Variants in NFASC observed in about 807,000 individuals in gnomAD.
NFASC encodes the protein neurofascin.
A neutral mutation model predicts 147.5 loss-of-function variants in NFASC; 43 were observed. The ratio of observed to expected loss-of-function variants is 0.29; its 90% CI spans 0.23 to 0.38. The LOEUF (loss-of-function observed/expected upper bound fraction) is 0.38, where lower values mean the gene tolerates loss of function less well. NFASC is among the 10% of genes least tolerant of loss of function. The probability of loss-of-function intolerance (pLI) is 1.00; values close to 1 mark genes in which losing one functional copy is unlikely to be tolerated. For synonymous variants in NFASC, 622 were observed against 665.5 expected (o/e 0.93, Z 1.01); for missense variants, 1,320 against 1,689.0 (o/e 0.78, Z 3.83).
At chr1:204,972,837 T>C (rs568084037) in intron 11 of NFASC, among the ~76,000 whole-genome samples, 2 of 152,298 alleles carry the variant, frequency 1.3e-5, no homozygotes, top group East Asian at 3.9e-4. Context: ...TGTTCATCAT[T>C]TTGTACATGC....
intron 1 of NFASC, among the ~76,000 whole-genome samples, chr1:204,866,247 C>T (rs2077097792): frequency 6.6e-6 from 1 of 152,146 alleles, no homozygotes; most frequent in Non-Finnish European, 1.5e-5. Flanking sequence ...AAACCTCAGC[C>T]CACCTGAGAG....
At chr1:204,969,136 C>T (rs1223886729) in intron 10 of NFASC, among the ~76,000 whole-genome samples, 154 bp downstream of exon 10, 3 of 152,100 alleles carry the variant, frequency 2.0e-5, no homozygotes, top group East Asian at 1.9e-4. Context: ...TGGTGTCACT[C>T]GCTGGACGTG....
At chr1:204,981,232 T>C (rs2095504029) in intron 20 of NFASC, among the ~76,000 whole-genome samples, 1 of 152,264 alleles carries the variant, frequency 6.6e-6, no homozygotes, top group Non-Finnish European at 1.5e-5. Flanking sequence ...TCTGTGGCTC[T>C]GTATAGCAGG....
chr1:204,934,137 CAAAAAAA>C (rs10633193), intron 2 of NFASC, among the ~76,000 whole-genome samples: 1 of 113,542 alleles, frequency 8.8e-6, no homozygotes, highest in South Asian at 3.0e-4. Flanking sequence ...GACTCCATTT[CAAAAAAA>C]AAAAAAAAAA....
At chr1:204,996,785 G>A (rs988926507) in intron 24 of NFASC, among the ~76,000 whole-genome samples, 4 of 152,066 alleles carry the variant, frequency 2.6e-5, no homozygotes, top group Non-Finnish European at 5.9e-5. Context: ...GACCCAACTG[G>A]TGCTGCTTGG....
chr1:204,916,005 C>T (rs1186200081), intron 1 of NFASC, among the ~76,000 whole-genome samples: 2 of 152,208 alleles, frequency 1.3e-5, no homozygotes, highest in African/African-American at 2.4e-5. Flanking sequence ...CGACATGCTG[C>T]GTCCTGCCTT....
intron 1 of NFASC, among the ~76,000 whole-genome samples, chr1:204,891,818 G>A (rs181632284): frequency 7.2e-5 from 11 of 152,326 alleles, no homozygotes; most frequent in Admixed American, 5.2e-4. Flanking sequence ...TCCAGAGGAA[G>A]GACACAGAGA....
At position 205,002,748 on chromosome 1, in the gene NFASC, G is replaced by T; in HGVS notation, c.3289G>T (p.Ala1097Ser). ...CGTCATCACCTTTATGACCAGTACA[G>T]GTGAGAGGGGACCTGGCCTGGCCAT... is the stretch of plus-strand genomic sequence containing the variant. The part of the protein sequence containing the change: ...STVITFMTST[A>S]YTNNQADIAT... The change falls in exon 27 of 30, where the codon GCT (alanine) becomes TCT (serine). Residue 1097 changes from alanine to serine, a missense_variant and splice_region_variant. Physicochemically the swap from Ala to Ser is moderately conservative, Grantham distance 99. This residue lies in a region of NFASC where 167 missense variants were observed against 233.8 expected (regional missense o/e 0.71). Coordinates refer to ENST00000339876, the MANE Select transcript of NFASC (RefSeq NM_001005388.3). 6.8e-7 allele frequency: 1 copy of T among 1,475,706 alleles called. No individual in the cohort carries two copies. Among genetic ancestry groups the T allele is most frequent in the African/African-American group, 1.4e-5 (1 of 71,278 alleles). The allele number at this position is 1,475,706 out of a possible 1,614,324, so 91.4% of individuals were successfully genotyped here.
At chr1:204,886,393 A>G (rs2081320612) in intron 1 of NFASC, among the ~76,000 whole-genome samples, 1 of 152,170 alleles carries the variant, frequency 6.6e-6, no homozygotes, top group Non-Finnish European at 1.5e-5. Flanking sequence ...TCATTTGCTA[A>G]TGTGTTTTTA....
intron 27 of NFASC, among the ~76,000 whole-genome samples, chr1:205,007,010 G>A (rs2802842): frequency 0.45 from 68,686 of 151,746 alleles, 18,187 homozygotes; most frequent in Non-Finnish European, 0.6. Context: ...CAGCTGAAGC[G>A]CTAAGAATAG....
chr1:204,920,580 C>A, intron 1 of NFASC, 52 bp from the exon 2 acceptor site: 1 of 872,888 alleles, frequency 1.1e-6, no homozygotes, highest in Non-Finnish European at 1.6e-6. Flanking sequence ...TTTTTTTTTT[C>A]TTCCTTTCTT....
chr1:204,955,038 C>T, intron 7 of NFASC, 87 bp downstream of exon 7: 1 of 1,517,556 alleles, frequency 6.6e-7, no homozygotes, highest in South Asian at 1.2e-5. Flanking sequence ...CTTGCCCAAG[C>T]TAGAAGGCCT....
intron 21 of NFASC, chr1:204,984,359 G>A (rs867817834): frequency 2.7e-3 from 418 of 155,262 alleles, no homozygotes; most frequent in South Asian, 0.01. Context: ...ATATATATAT[G>A]TGTGTGTGTG....
intron 17 of NFASC, among the ~76,000 whole-genome samples, chr1:204,978,090 C>T (rs1463016750): frequency 2.6e-5 from 4 of 152,198 alleles, no homozygotes; most frequent in African/African-American, 9.7e-5. Context: ...ATTGTTCAGC[C>T]TCCCTGCATC....
At chr1:204,942,277 GAC>G (rs759026085) in intron 2 of NFASC, among the ~76,000 whole-genome samples, 4 of 152,230 alleles carry the variant, frequency 2.6e-5, no homozygotes, top group Non-Finnish European at 5.9e-5. Context: ...AGAGAGGGCA[GAC>G]ACAGAGTGTT....
intron 1 of NFASC, among the ~76,000 whole-genome samples, chr1:204,832,425 C>A (rs938563188): frequency 2.0e-5 from 3 of 152,102 alleles, no homozygotes; most frequent in Non-Finnish European, 2.9e-5. Context: ...GTTCACACAC[C>A]TGCAAGGTGT....
rs1217662278 is a variant in NFASC, at chr1:204,975,694, T to C, written c.1706+276T>C. On this transcript the variant is annotated intron_variant, in intron 15 of 29. Coordinates refer to ENST00000339876, the MANE Select transcript of NFASC (RefSeq NM_001005388.3). The surrounding 1 kb of genome is among the most constrained non-coding windows in gnomAD (Gnocchi z 4.0). Reference sequence around the variant, plus strand: ...CTCTTCTCAATCTCTTCACTTCTCCTCTCCCTGTCTCCCCTCACTTCGCCT... The same window carrying C: ...CTCTTCTCAATCTCTTCACTTCTCCCCTCCCTGTCTCCCCTCACTTCGCCT... 1.3e-5 allele frequency among the ~76,000 whole-genome samples: 2 copies of C among 152,064 alleles called. No homozygotes were observed. The highest frequency in any genetic ancestry group is 2.4e-5 in the African/African-American group (1 of 41,392).
chr1:204,978,879 G>GC, intron 17 of NFASC, 89 bp from the exon 18 acceptor site: 2 of 1,027,190 alleles, frequency 1.9e-6, no homozygotes, highest in Non-Finnish European at 2.8e-6. Context: ...AGCGAAGACA[G>GC]CCCGTCAGGG....
rs779296224 is a variant in NFASC, at chr1:204,939,191, AT to A, written c.-90-5030del. ...TAGGATTTATTTCTTTGTTGTATTT[AT>A]TTTTGTTCTTTTCTGCACTCTCCCC... is the stretch of plus-strand genomic sequence containing the variant. On this transcript the variant is annotated intron_variant, in intron 2 of 29. Coordinates refer to ENST00000339876, the MANE Select transcript of NFASC (RefSeq NM_001005388.3). 6.7e-4 allele frequency among the ~76,000 whole-genome samples: 101 copies of A among 151,410 alleles called. 2 individuals are homozygous for A. The highest frequency in any genetic ancestry group is 1.9e-3 in the South Asian group (9 of 4,784).
Sources: gnomAD v4.1 joint callset for allele counts (sites outside exome capture counted in the v4.1 genomes callset) on GRCh38, gnomAD v4.1.1 for gene constraint, gnomAD v4.1.1 regional missense constraint, Gnocchi (gnomAD v3.1) non-coding constraint, MANE v1.5 for transcripts, NCBI Gene and HGNC (gene_info 2026-07-23, HGNC 2026-07-21) for gene names.